The following SGCD variants were observed in gnomAD, a reference collection of about 807,000 sequenced individuals.
The protein encoded by SGCD is delta-sarcoglycan.
SGCD carries 18 observed loss-of-function variants against 36.6 expected under a neutral mutation model. The ratio of observed to expected loss-of-function variants is 0.49; its 90% CI spans 0.34 to 0.73. SGCD has a LOEUF of 0.73. Ranked by LOEUF, SGCD falls within the 30% of genes least tolerant of loss-of-function variation. The pLI, the probability that SGCD is intolerant of heterozygous loss-of-function variation, is 0.01. For synonymous variants in SGCD, 133 were observed against 130.6 expected, an observed-to-expected ratio of 1.02 and a Z score of -0.12; for missense variants, 387 against 346.7, an observed-to-expected ratio of 1.12 and a Z score of -0.92.
intron 3 of SGCD, among the ~76,000 whole-genome samples, chr5:156,162,894 C>T (rs752695436): frequency 5.3e-5 from 8 of 151,522 alleles, no homozygotes; most frequent in African/African-American, 2.0e-4. Context: ...CACACACTAA[C>T]CCTGGGGGAT....
In SGCD at chr5:156,544,847, A is replaced by G. The variant is rs1581146251; in HGVS notation, c.294+36145A>G. ...ACCCTTATCTTAACGAGCACTTGGA[A>G]CTGGATGTTAATAACATCATTTATG... On this transcript the variant is annotated intron_variant, in intron 4 of 8. Transcript: ENST00000337851. Among the ~76,000 whole-genome samples the G allele has an allele frequency of 2.0e-5, 3 of 152,206 alleles. No individual in the cohort carries two copies. In the East Asian group the frequency reaches 5.8e-4, roughly 29 times the overall value.
At chr5:156,323,849 G>A (rs1342485974), upstream of SGCD, among the ~76,000 whole-genome samples, 1 of 152,164 alleles carries the variant, frequency 6.6e-6, no homozygotes, top group African/African-American at 2.4e-5. Context: ...TAATAGGAAG[G>A]AGACTGATGA....
chr5:156,370,323 G>A (rs189184383), intron 3 of SGCD, among the ~76,000 whole-genome samples: 1 of 152,270 alleles, frequency 6.6e-6, no homozygotes, highest in East Asian at 1.9e-4. Flanking sequence ...TGTTGCTGTG[G>A]AAGAGGGAGG....
At chr5:156,297,795 T>TAAAA (rs1218062161) in intron 3 of SGCD, among the ~76,000 whole-genome samples, 1 of 75,618 alleles carries the variant, frequency 1.3e-5, no homozygotes, top group Non-Finnish European at 2.4e-5. Context: ...AATAAAAAAA[T>TAAAA]AAATAAATAA....
At chr5:156,509,509 C>T (rs914642216) in intron 4 of SGCD, among the ~76,000 whole-genome samples, 1 of 152,188 alleles carries the variant, frequency 6.6e-6, no homozygotes, top group African/African-American at 2.4e-5. Flanking sequence ...CTGTTCTAGG[C>T]ACATTGCTGT....
intron 3 of SGCD, among the ~76,000 whole-genome samples, chr5:156,206,779 TTTG>T (rs1561565117): frequency 6.6e-6 from 1 of 152,018 alleles, no homozygotes; most frequent in Non-Finnish European, 1.5e-5. Context: ...TTTTTGAGGA[TTTG>T]TATGGCATAG....
chr5:156,364,418 A>G (rs1769981939), intron 3 of SGCD, among the ~76,000 whole-genome samples: 1 of 152,010 alleles, frequency 6.6e-6, no homozygotes, highest in Admixed American at 6.6e-5. Flanking sequence ...TAGCAAGAAT[A>G]CTTTGCAAAT....
chr5:155,781,427 A>T, the SGCD span, among the ~76,000 whole-genome samples: 1 of 152,266 alleles, frequency 6.6e-6, no homozygotes, highest in East Asian at 1.9e-4. Flanking sequence ...CTATGTCTTG[A>T]TATTTTACAA....
the SGCD span, among the ~76,000 whole-genome samples, chr5:155,860,856 G>T: frequency 6.6e-6 from 1 of 152,160 alleles, no homozygotes; most frequent in Non-Finnish European, 1.5e-5. Context: ...AAAACAATTT[G>T]ATAACTGTCA....
At chr5:156,439,950 A>T (rs1359205637) in intron 3 of SGCD, among the ~76,000 whole-genome samples, 1 of 152,158 alleles carries the variant, frequency 6.6e-6, no homozygotes, top group Non-Finnish European at 1.5e-5. Flanking sequence ...CCCATCCTAC[A>T]GAAAGTCAGT....
the SGCD span, among the ~76,000 whole-genome samples, chr5:155,763,862 C>CCTCTCT: frequency 1.2e-4 from 18 of 148,406 alleles, no homozygotes; most frequent in African/African-American, 3.7e-4. Context: ...CAATTATATA[C>CCTCTCT]CTCTCTCTCT....
chr5:155,825,522 C>A, the SGCD span, among the ~76,000 whole-genome samples: 4 of 152,068 alleles, frequency 2.6e-5, no homozygotes, highest in Admixed American at 6.6e-5. Context: ...CCTTGTACTT[C>A]GTCTCCATAT....
At chr5:156,755,218 G>A (rs1181845426) in intron 7 of SGCD, among the ~76,000 whole-genome samples, 1 of 152,180 alleles carries the variant, frequency 6.6e-6, no homozygotes, top group Non-Finnish European at 1.5e-5. Flanking sequence ...TAAAAGACGT[G>A]TTAACTGAGG....
At chr5:156,601,705 A>G (rs1193669368) in intron 6 of SGCD, among the ~76,000 whole-genome samples, 1 of 152,032 alleles carries the variant, frequency 6.6e-6, no homozygotes, top group African/African-American at 2.4e-5. Flanking sequence ...TGTTTTTGAG[A>G]TGGAGTCTGG....
intron 1 of SGCD, among the ~76,000 whole-genome samples, chr5:156,087,583 T>A (rs1581091310): frequency 7.1e-6 from 1 of 141,396 alleles, no homozygotes; most frequent in African/African-American, 2.7e-5. Context: ...GAGGTTGCAG[T>A]GAGCCGAGAT....
chr5:156,163,821 C>G (rs1041047792), intron 3 of SGCD, among the ~76,000 whole-genome samples: 1 of 151,212 alleles, frequency 6.6e-6, no homozygotes, highest in African/African-American at 2.5e-5. Flanking sequence ...GAGATCGAGA[C>G]CATCCTGGCT....
chr5:156,476,708 C>CGAAG (rs1755197437), intron 3 of SGCD, among the ~76,000 whole-genome samples: 1 of 152,204 alleles, frequency 6.6e-6, no homozygotes, highest in South Asian at 2.1e-4. Flanking sequence ...CAAACCTCTT[C>CGAAG]AGCAAGATCA....
chr5:156,485,142 A>G (rs2055613), intron 3 of SGCD, among the ~76,000 whole-genome samples: 92,225 of 151,946 alleles, frequency 0.61, 28,139 homozygotes, highest in Middle Eastern at 0.66. Context: ...GGTCTCCCTC[A>G]CCAAACCTTT....
At chr5:156,718,176 A>G (rs1476704465) in intron 7 of SGCD, among the ~76,000 whole-genome samples, 1 of 152,126 alleles carries the variant, frequency 6.6e-6, no homozygotes, top group Non-Finnish European at 1.5e-5. Flanking sequence ...GCTTTCCTAA[A>G]TTCCATGCCA....
Sources: gnomAD v4.1 joint callset for allele counts (sites outside exome capture counted in the v4.1 genomes callset) on GRCh38, gnomAD v4.1.1 for gene constraint, MANE v1.5 for transcripts, NCBI Gene and HGNC (gene_info 2026-07-23, HGNC 2026-07-21) for gene names.